FGF14: variants seen among roughly 807,000 people sequenced by gnomAD.
FGF14 encodes fibroblast growth factor homologous factor 4.
FGF14 carries 5 observed loss-of-function variants against 25.5 expected under a neutral mutation model. The ratio of observed to expected loss-of-function variants is 0.20; its 90% confidence interval spans 0.10 to 0.41. FGF14 has a LOEUF of 0.41. Among genes scored for constraint, FGF14 ranks in the 10% least tolerant of loss-of-function variants. The pLI is 1.00. For missense variants in FGF14, 222 were observed against 320.1 expected, an observed-to-expected ratio of 0.69 and a Z score of 2.34; for synonymous variants, 138 against 118.3, an observed-to-expected ratio of 1.17 and a Z score of -1.08.
chr13:102,059,438 G>T (rs895891410), intron 1 of FGF14, among the ~76,000 whole-genome samples: 1 of 152,208 alleles, frequency 6.6e-6, no homozygotes, highest in Non-Finnish European at 1.5e-5. Context: ...TCAATAGCCA[G>T]CTTGGAGTAT....
intron 1 of FGF14, among the ~76,000 whole-genome samples, chr13:101,927,418 G>T (rs992959239): frequency 6.6e-6 from 1 of 152,220 alleles, no homozygotes; most frequent in Non-Finnish European, 1.5e-5. Context: ...TCACAGGCTT[G>T]TGTTCATTTC....
At chr13:101,958,824 G>A (rs558600651) in intron 1 of FGF14, among the ~76,000 whole-genome samples, 18 of 152,254 alleles carry the variant, frequency 1.2e-4, no homozygotes, top group Admixed American at 7.9e-4. Context: ...CAAAATCAAG[G>A]TCACTGCGCC....
intron 1 of FGF14, among the ~76,000 whole-genome samples, chr13:101,916,081 G>C (rs572729884): frequency 5.3e-5 from 8 of 152,208 alleles, no homozygotes; most frequent in Non-Finnish European, 1.0e-4. Context: ...GACTGCGAGC[G>C]GTGGCTCGAC....
At chr13:101,745,544 A>C (rs2036832260) in intron 3 of FGF14, among the ~76,000 whole-genome samples, 1 of 152,090 alleles carries the variant, frequency 6.6e-6, no homozygotes, top group Admixed American at 6.6e-5. Flanking sequence ...CCTGGTAATC[A>C]GTAATCTTTT....
At chr13:101,875,341 A>G (rs770667227) in intron 1 of FGF14, 45 bp from the exon 2 acceptor site, 60 of 1,283,026 alleles carry the variant, frequency 4.7e-5, no homozygotes, top group Non-Finnish European at 6.3e-5. Flanking sequence ...ATGTGTCACC[A>G]TAGTTTCCTT....
intron 3 of FGF14, among the ~76,000 whole-genome samples, chr13:101,834,155 T>C (rs1273009534): frequency 6.6e-6 from 1 of 152,120 alleles, no homozygotes; most frequent in Non-Finnish European, 1.5e-5. Flanking sequence ...TAGTAGATTT[T>C]GCACTTTAGG....
At chr13:101,916,409 G>A in intron 1 of FGF14, 44 bp downstream of exon 1, 11 of 1,608,950 alleles carry the variant, frequency 6.8e-6, no homozygotes, top group Non-Finnish European at 8.5e-6. Context: ...TAGGCGGGGA[G>A]GGGGCGACCC....
Position 101,879,502 on chromosome 13 carries a change from T to C in FGF14, c.194-4206A>G, listed in dbSNP as rs541949437. On this transcript the variant is annotated intron_variant, in intron 1 of 4. Coordinates refer to ENST00000376143, the MANE Select transcript of FGF14 (RefSeq NM_004115.4). ...CTCTTAGAAATGAGTTCAATTAAAT[T>C]AAACACCGTCATAAATGGTTTTCAT... Among the ~76,000 whole-genome samples the C allele has an allele frequency of 2.0e-5, 3 of 152,310 alleles. No homozygotes were observed. The East Asian group carries it at 5.8e-4, about 29-fold the overall frequency.
At chr13:102,011,097 A>C (rs2040054838) in intron 1 of FGF14, among the ~76,000 whole-genome samples, 1 of 152,202 alleles carries the variant, frequency 6.6e-6, no homozygotes, top group African/African-American at 2.4e-5. Context: ...CATGGGAACA[A>C]GATTTTGAAA....
At chr13:102,260,268 T>C (rs550145685) in intron 1 of FGF14, among the ~76,000 whole-genome samples, 1 of 152,348 alleles carries the variant, frequency 6.6e-6, no homozygotes, top group African/African-American at 2.4e-5. Context: ...AAGTTAAAAC[T>C]AAATCTCAAG....
chr13:102,013,502 C>T (rs988547430), intron 1 of FGF14, among the ~76,000 whole-genome samples: 3 of 152,184 alleles, frequency 2.0e-5, no homozygotes, highest in Admixed American at 2.0e-4. Context: ...AAACTAACTG[C>T]TGTCTCGCTA....
intron 1 of FGF14, among the ~76,000 whole-genome samples, chr13:102,099,236 A>G (rs2044545915): frequency 6.6e-6 from 1 of 152,210 alleles, no homozygotes; most frequent in East Asian, 1.9e-4. Context: ...AAATGGATGG[A>G]AAAAGGCAAG....
At chr13:102,023,067 C>CACACACAG (rs2040748885) in intron 1 of FGF14, among the ~76,000 whole-genome samples, 2 of 149,806 alleles carry the variant, frequency 1.3e-5, no homozygotes. Context: ...CACACACACA[C>CACACACAG]ACACACACAC....
At chr13:102,035,261 G>A (rs1002739013) in intron 1 of FGF14, among the ~76,000 whole-genome samples, 3 of 152,098 alleles carry the variant, frequency 2.0e-5, no homozygotes, top group Non-Finnish European at 4.4e-5. Flanking sequence ...CAATAGAGGA[G>A]ACTGTATGAC....
intron 1 of FGF14, among the ~76,000 whole-genome samples, chr13:101,876,446 A>T (rs1374821592): frequency 1.3e-5 from 2 of 152,238 alleles, no homozygotes; most frequent in Non-Finnish European, 2.9e-5. Flanking sequence ...AGACAAAAAA[A>T]TTTTTTTGAG....
intron 3 of FGF14, among the ~76,000 whole-genome samples, chr13:101,859,955 G>GT (rs199766492): frequency 5.4e-4 from 82 of 151,350 alleles, no homozygotes; most frequent in Admixed American, 9.9e-4. Flanking sequence ...TATTTTTATT[G>GT]TTTTTTTTTA....
At chr13:102,216,339 A>G (rs543685318) in intron 1 of FGF14, among the ~76,000 whole-genome samples, 10 of 152,264 alleles carry the variant, frequency 6.6e-5, no homozygotes, top group African/African-American at 2.4e-4. Flanking sequence ...ACTCTCCCCA[A>G]ACTCCATTTC....
chr13:102,299,227 G>A (rs9300733), intron 1 of FGF14, among the ~76,000 whole-genome samples: 21,379 of 152,068 alleles, frequency 0.14, 1,683 homozygotes, highest in East Asian at 0.38. Flanking sequence ...CACCGAAAAC[G>A]AAAAGCTTCT....
chr13:101,938,975 C>T (rs1464890878), intron 1 of FGF14, among the ~76,000 whole-genome samples: 4 of 152,164 alleles, frequency 2.6e-5, no homozygotes, highest in African/African-American at 9.7e-5. Context: ...TGGGGATGAG[C>T]ACTGATGGCC....
Sources: gnomAD v4.1 joint callset for allele counts (sites outside exome capture counted in the v4.1 genomes callset) on GRCh38, gnomAD v4.1.1 for gene constraint, MANE v1.5 for transcripts, NCBI Gene and HGNC (gene_info 2026-07-23, HGNC 2026-07-21) for gene names.